Variants in DCAF5 observed in about 807,000 individuals in gnomAD.
The protein encoded by DCAF5 is DDB1 and CUL4 associated factor 5.
DCAF5 carries 9 observed loss-of-function variants against 80.7 expected under a neutral mutation model. That is an observed-to-expected ratio of 0.11 (90% CI 0.07 to 0.19). The LOEUF (loss-of-function observed/expected upper bound fraction) is 0.19. DCAF5 is among the 10% of genes least tolerant of loss of function. DCAF5 has a pLI of 1.00. For synonymous variants in DCAF5, 433 were observed against 461.9 expected, an observed-to-expected ratio of 0.94 and a Z score of 0.80; for missense variants, 842 against 1,205.7, an observed-to-expected ratio of 0.70 and a Z score of 4.47.
chr14:69,063,508 A>C lies in DCAF5; in HGVS notation c.947-997T>G, dbSNP rs148415182. On this transcript the variant is annotated intron_variant, in intron 7 of 8. Coordinates refer to ENST00000341516, the MANE Select transcript of DCAF5 (RefSeq NM_003861.3). ...CAAACAAATGAGTGTTCATTTATCT[A>C]CTCAAGGGATCCCCTCTTAGTCCCT... Among the ~76,000 whole-genome samples, 7 of 152,242 alleles carry C rather than the reference A, an allele frequency of 4.6e-5. No homozygotes were observed. In the East Asian group the frequency reaches 1.4e-3, roughly 29 times the overall value.
Position 69,052,005 on chromosome 14 carries a change from A to G in DCAF5, c.*1852T>C, listed in dbSNP as rs556198241. On this transcript the variant is annotated 3_prime_UTR_variant, in exon 9 of 9. Coordinates refer to ENST00000341516, the MANE Select transcript of DCAF5 (RefSeq NM_003861.3). ...ATAGAACCAATCTGATTACAAATCC[A>G]AAGTAATTCTAATGTTGGTTACAGA... 1 of 152,752 alleles carries G rather than the reference A, an allele frequency of 6.5e-6. No homozygotes were observed. The highest frequency in any genetic ancestry group is 2.1e-4 in the South Asian group (1 of 4,830). The allele number at this position is 152,752 out of a possible 1,614,324, so 9.5% of individuals were successfully genotyped here.
Position 69,053,956 on chromosome 14 carries a change from G to A in DCAF5, c.2730C>T (p.Ser910=), listed in dbSNP as rs780003053. The A allele has an allele frequency of 5.6e-6, 9 of 1,613,164 alleles. No individual in the cohort carries two copies. The highest frequency in any genetic ancestry group is 1.3e-5 in the African/African-American group (1 of 74,892). The part of the protein sequence containing the change: ...DPTDTPATDS[S]RAVHGHSGLK... The stretch of plus-strand genomic sequence containing the variant: ...GGCCACTGTGGCCATGAACAGCCCT[G>A]CTACTATCTGTGGCTGGGGTGTCAG... Residue 910 remains serine (S), a synonymous_variant, in exon 9 of 9, where the codon AGC becomes AGT. Transcript: ENST00000341516.
In DCAF5 at chr14:69,116,356, G is replaced by A; in HGVS notation, c.665+10C>T. On this transcript the variant is annotated intron_variant, in intron 5 of 8. Coordinates refer to ENST00000341516, the MANE Select transcript of DCAF5 (RefSeq NM_003861.3). ...GAAAGTTTTAACACCTATGAATAAA[G>A]GGGGCTCACCTCTGAGGTTTTCGAA... is the stretch of plus-strand genomic sequence containing the variant. 1 of 1,610,434 alleles carries A rather than the reference G, an allele frequency of 6.2e-7. No individual in the cohort carries two copies. Among genetic ancestry groups the A allele is most frequent in the Non-Finnish European group, 8.5e-7 (1 of 1,177,812 alleles).
Position 69,054,152 on chromosome 14 carries a change from T to G in DCAF5, c.2534A>C (p.His845Pro), listed in dbSNP as rs1594917260. The change falls in exon 9 of 9, where the codon CAC becomes CCC. Residue 845 changes from histidine to proline, a missense_variant. His to Pro is a moderately conservative substitution (Grantham distance 77). Coordinates refer to ENST00000341516, the MANE Select transcript of DCAF5 (RefSeq NM_003861.3). ...GRLHPRPPHP[H>P]NNGQNLGELE... The stretch of plus-strand genomic sequence containing the variant: ...CTCCCCCAAGTTCTGCCCGTTATTG[T>G]GAGGGTGAGGGGGACGAGGGTGTAA... 6.2e-7 allele frequency: 1 copy of G among 1,614,168 alleles called. No individual in the cohort carries two copies. The highest frequency in any genetic ancestry group is 1.3e-5 in the African/African-American group (1 of 75,036).
At position 69,055,864 on chromosome 14, in the gene DCAF5, C is replaced by G. The variant is rs1191154793; in HGVS notation, c.1075-253G>C. Among the ~76,000 whole-genome samples, 1 of 152,146 alleles carries G rather than the reference C, an allele frequency of 6.6e-6. No individual in the cohort carries two copies. On this transcript the variant is annotated intron_variant, in intron 8 of 8. Coordinates refer to ENST00000341516, the MANE Select transcript of DCAF5 (RefSeq NM_003861.3). The surrounding 1 kb of genome is among the most constrained non-coding windows in gnomAD (Gnocchi z 5.6). ...ACAGTATTAGCCTAGTGTCAAGAGACCTACCTAAGTCCTGTCTCTTGGCCC... is the reference window on the plus strand; with the variant it reads ...ACAGTATTAGCCTAGTGTCAAGAGAGCTACCTAAGTCCTGTCTCTTGGCCC...
intron 1 of DCAF5, among the ~76,000 whole-genome samples, chr14:69,142,967 T>C (rs1457902022): frequency 9.9e-5 from 15 of 152,198 alleles, no homozygotes; most frequent in Admixed American, 9.8e-4. Flanking sequence ...TTAAACCCAG[T>C]GGGAGTTAGT....
chr14:69,137,088 A>C (rs1019874203), intron 1 of DCAF5, among the ~76,000 whole-genome samples: 8 of 152,158 alleles, frequency 5.3e-5, no homozygotes, highest in Non-Finnish European at 8.8e-5. Flanking sequence ...AATACATAAT[A>C]GTTGTTTAAA....
chr14:69,149,119 A>C (rs992045997), intron 1 of DCAF5, among the ~76,000 whole-genome samples: 1 of 152,218 alleles, frequency 6.6e-6, no homozygotes, highest in Non-Finnish European at 1.5e-5. Flanking sequence ...TCAGCACCCA[A>C]CCTATACTTT....
chr14:69,125,054 A>G (rs1433971603), intron 1 of DCAF5, among the ~76,000 whole-genome samples: 2 of 152,190 alleles, frequency 1.3e-5, no homozygotes, highest in Admixed American at 6.5e-5. Flanking sequence ...TGATAAAGCC[A>G]AGTACAAAAG....
At chr14:69,094,591 C>T (rs964240237) in intron 5 of DCAF5, among the ~76,000 whole-genome samples, 4 of 152,076 alleles carry the variant, frequency 2.6e-5, no homozygotes, top group African/African-American at 9.7e-5. Flanking sequence ...ACCTGAAATC[C>T]AGAAAGTAAG....
rs965764891 is a variant in DCAF5, at chr14:69,051,493, A to G, written c.*2364T>C. Reference sequence around the variant, plus strand: ...TGTCTTATGGGGCCTATCACCCGGTAAGCTGAGCCTAGGATGCTGGGAAGC... The same window carrying G: ...TGTCTTATGGGGCCTATCACCCGGTGAGCTGAGCCTAGGATGCTGGGAAGC... On this transcript the variant is annotated 3_prime_UTR_variant, in exon 9 of 9. Transcript: ENST00000341516. 6.6e-6 allele frequency: 1 copy of G among 152,194 alleles called. No homozygotes were observed. Among genetic ancestry groups the G allele is most frequent in the South Asian group, 2.1e-4 (1 of 4,824 alleles). The allele number at this position is 152,194 out of a possible 1,614,324, so 9.4% of individuals were successfully genotyped here.
chr14:69,060,447 G>C (rs953986492), intron 8 of DCAF5, among the ~76,000 whole-genome samples: 3 of 152,192 alleles, frequency 2.0e-5, no homozygotes, highest in African/African-American at 7.2e-5. Context: ...ATGAAAGTCA[G>C]CTCTGATCCA....
At chr14:69,110,438 C>G (rs2040320528) in intron 5 of DCAF5, among the ~76,000 whole-genome samples, 1 of 149,142 alleles carries the variant, frequency 6.7e-6, no homozygotes, top group South Asian at 2.1e-4. Context: ...ACTAATTTTC[C>G]TATTTTTTTT....
At chr14:69,084,762 A>C (rs1594967464) in intron 6 of DCAF5, 4 of 1,155,828 alleles carry the variant, frequency 3.5e-6, no homozygotes, top group Admixed American at 2.0e-5. Context: ...CAAAAGCAAA[A>C]TAAGCATACG....
At chr14:69,102,732 T>C (rs1462680728) in intron 5 of DCAF5, among the ~76,000 whole-genome samples, 1 of 152,078 alleles carries the variant, frequency 6.6e-6, no homozygotes, top group Non-Finnish European at 1.5e-5. Flanking sequence ...CTATCATCTC[T>C]TATGATAATG....
At chr14:69,151,217 C>T (rs1340564395) in intron 1 of DCAF5, among the ~76,000 whole-genome samples, 1 of 152,126 alleles carries the variant, frequency 6.6e-6, no homozygotes, top group East Asian at 1.9e-4. Flanking sequence ...CAGGTTTCTT[C>T]AGAGGATGAT....
intron 7 of DCAF5, among the ~76,000 whole-genome samples, chr14:69,067,129 G>A (rs1594938959): frequency 6.6e-6 from 1 of 152,218 alleles, no homozygotes; most frequent in African/African-American, 2.4e-5. Flanking sequence ...CTCCATGACA[G>A]CAGGGCTTCT....
Position 69,054,402 on chromosome 14 carries a change from A to C in DCAF5, c.2284T>G (p.Ser762Ala). 1 of 1,614,074 alleles carries C rather than the reference A, an allele frequency of 6.2e-7. No individual in the cohort carries two copies. Among genetic ancestry groups the C allele is most frequent in the Non-Finnish European group, 8.5e-7 (1 of 1,180,034 alleles). The change falls in exon 9 of 9, where the codon TCT (serine) becomes GCT (alanine). Residue 762 changes from serine to alanine, a missense_variant. Coordinates refer to ENST00000341516, the MANE Select transcript of DCAF5 (RefSeq NM_003861.3). ...HAWAEVPEGTSQDTGNSGSVE... is the reference protein window; with the variant it reads ...HAWAEVPEGTAQDTGNSGSVE... ...GAGCCGCTATTGCCAGTGTCCTGAG[A>C]GGTACCCTCTGGCACCTCTGCCCAA...
intron 2 of DCAF5, among the ~76,000 whole-genome samples, chr14:69,120,370 G>A (rs1163347063): frequency 6.6e-6 from 1 of 152,064 alleles, no homozygotes; most frequent in Non-Finnish European, 1.5e-5. Context: ...AAAGTGTTGG[G>A]ATTATTACAA....
Sources: gnomAD v4.1 joint callset for allele counts (sites outside exome capture counted in the v4.1 genomes callset) on GRCh38, gnomAD v4.1.1 for gene constraint, Gnocchi (gnomAD v3.1) non-coding constraint, MANE v1.5 for transcripts, NCBI Gene and HGNC (gene_info 2026-07-23, HGNC 2026-07-21) for gene names.